DLG1: variants seen among roughly 807,000 people sequenced by gnomAD.
DLG1 encodes the protein discs large MAGUK scaffold protein 1.
DLG1 carries 42 observed loss-of-function variants against 123.4 expected under a neutral mutation model. The ratio of observed to expected loss-of-function variants is 0.34; its 90% confidence interval spans 0.27 to 0.44. The LOEUF (loss-of-function observed/expected upper bound fraction) is 0.44. Ranked by LOEUF, DLG1 falls within the 20% of genes least tolerant of loss-of-function variation. DLG1 has a pLI of 1.00. For synonymous variants in DLG1, 317 were observed against 356.2 expected, an observed-to-expected ratio of 0.89 and a Z score of 1.24; for missense variants, 942 against 1,082.6, an observed-to-expected ratio of 0.87 and a Z score of 1.82.
intron 6 of DLG1, among the ~76,000 whole-genome samples, chr3:197,149,298 T>G (rs1308193688): frequency 6.6e-6 from 1 of 152,138 alleles, no homozygotes; most frequent in African/African-American, 2.4e-5. Flanking sequence ...TATAATAAAA[T>G]TATGCAACAA....
At chr3:197,206,168 T>C (rs1271746820) in intron 4 of DLG1, among the ~76,000 whole-genome samples, 1 of 152,162 alleles carries the variant, frequency 6.6e-6, no homozygotes, top group East Asian at 1.9e-4. Context: ...ACTATTACAG[T>C]ATGCTCCTGA....
chr3:197,230,845 T>C (rs1314182120), intron 4 of DLG1, among the ~76,000 whole-genome samples: 7 of 152,198 alleles, frequency 4.6e-5, no homozygotes, highest in Non-Finnish European at 1.0e-4. Context: ...TATTTGAATT[T>C]AATTTTCACA....
chr3:197,059,858 C>T (rs1734563453), intron 23 of DLG1, 31 bp downstream of exon 23: 1 of 1,448,192 alleles, frequency 6.9e-7, no homozygotes, highest in African/African-American at 1.4e-5. Flanking sequence ...AATTTGTACA[C>T]AGAGGCTATG....
chr3:197,056,326 T>C (rs1414928667), intron 23 of DLG1, among the ~76,000 whole-genome samples: 1 of 152,206 alleles, frequency 6.6e-6, no homozygotes, highest in Non-Finnish European at 1.5e-5. Context: ...AACTTGGTTG[T>C]TACATTTTGC....
chr3:197,072,310 G>C (rs1018270366), intron 18 of DLG1, among the ~76,000 whole-genome samples: 3 of 151,858 alleles, frequency 2.0e-5, no homozygotes, highest in African/African-American at 7.3e-5. Flanking sequence ...GGATTTAGTG[G>C]GTCAAAAGAT....
chr3:197,081,226 C>G, intron 16 of DLG1, 109 bp from the exon 17 acceptor site: 2 of 934,698 alleles, frequency 2.1e-6, no homozygotes, highest in Non-Finnish European at 3.2e-6. Context: ...TACTCTAAAA[C>G]CTTTAAGAGT....
At chr3:197,280,234 T>C (rs1055168111) in intron 4 of DLG1, among the ~76,000 whole-genome samples, 1 of 152,202 alleles carries the variant, frequency 6.6e-6, no homozygotes, top group Non-Finnish European at 1.5e-5. Context: ...GTGATATTTA[T>C]CTTTCTGTGC....
chr3:197,273,944 A>C (rs1765171866), intron 4 of DLG1, among the ~76,000 whole-genome samples: 1 of 151,982 alleles, frequency 6.6e-6, no homozygotes, highest in African/African-American at 2.4e-5. Flanking sequence ...CTGCTAAGAC[A>C]AAGTGAAGAG....
At chr3:197,190,658 T>C (rs1383714640) in intron 5 of DLG1, among the ~76,000 whole-genome samples, 3 of 152,110 alleles carry the variant, frequency 2.0e-5, no homozygotes, top group African/African-American at 7.2e-5. Flanking sequence ...CCAATTCACA[T>C]CCCAAGATTG....
At chr3:197,256,719 A>G (rs903750032) in intron 4 of DLG1, among the ~76,000 whole-genome samples, 2 of 152,248 alleles carry the variant, frequency 1.3e-5, no homozygotes, top group African/African-American at 2.4e-5. Flanking sequence ...GTTATAAGTT[A>G]TCAATACGAG....
chr3:197,295,630 C>G (rs1777068623), intron 3 of DLG1, among the ~76,000 whole-genome samples: 1 of 152,044 alleles, frequency 6.6e-6, no homozygotes, highest in South Asian at 2.1e-4. Context: ...TGAGATGATG[C>G]TTTTAAAAAT....
Position 197,044,101 on chromosome 3 carries a change from T to A in DLG1, c.*522A>T, listed in dbSNP as rs1721489201. On this transcript the variant is annotated 3_prime_UTR_variant, in exon 25 of 25. Coordinates refer to ENST00000667157, the MANE Select transcript of DLG1 (RefSeq NM_001366207.1). ...GTCAACTCAGACATGAATTTTTAAA[T>A]TAAAAAATGTCCTTATTTATCTATA... 1 of 152,184 alleles carries A rather than the reference T, an allele frequency of 6.6e-6. No individual in the cohort carries two copies. The highest frequency in any genetic ancestry group is 2.4e-5 in the African/African-American group (1 of 41,460). 9.4% of individuals were successfully genotyped at this position (152,184 alleles called of 1,614,324 possible).
At chr3:197,130,272 TACATA>T (rs1781833756) in intron 11 of DLG1, among the ~76,000 whole-genome samples, 1 of 152,202 alleles carries the variant, frequency 6.6e-6, no homozygotes, top group Non-Finnish European at 1.5e-5. Context: ...GACTGTTACT[TACATA>T]AAAGTTTGAA....
At chr3:197,159,515 T>C (rs1797914300) in intron 5 of DLG1, among the ~76,000 whole-genome samples, 1 of 152,164 alleles carries the variant, frequency 6.6e-6, no homozygotes, top group African/African-American at 2.4e-5. Flanking sequence ...TTTTCTTCTG[T>C]TTTTATTTCT....
chr3:197,054,424 C>A (rs1157668217), intron 23 of DLG1, among the ~76,000 whole-genome samples: 1 of 129,208 alleles, frequency 7.7e-6, no homozygotes, highest in Non-Finnish European at 1.8e-5. Context: ...CACTTTTCTT[C>A]AGTCATTTCT....
chr3:197,150,050 A>G (rs777984076), intron 5 of DLG1, among the ~76,000 whole-genome samples: 1 of 152,180 alleles, frequency 6.6e-6, no homozygotes, highest in Non-Finnish European at 1.5e-5. Context: ...TAAGTTTTAC[A>G]CAGATCACCA....
At chr3:197,194,023 T>C (rs538566407) in intron 5 of DLG1, among the ~76,000 whole-genome samples, 1 of 152,226 alleles carries the variant, frequency 6.6e-6, no homozygotes, top group South Asian at 2.1e-4. Context: ...GATTTCACCA[T>C]GTTGGCCAGG....
chr3:197,122,540 T>C (rs1310640472), intron 11 of DLG1, among the ~76,000 whole-genome samples: 1 of 152,130 alleles, frequency 6.6e-6, no homozygotes, highest in Admixed American at 6.5e-5. Flanking sequence ...CATGGTTATA[T>C]ACGTAGACGA....
At chr3:197,141,630 A>C (rs1463115429) in intron 7 of DLG1, among the ~76,000 whole-genome samples, 1 of 152,224 alleles carries the variant, frequency 6.6e-6, no homozygotes, top group Non-Finnish European at 1.5e-5. Flanking sequence ...TTACTTAAGA[A>C]ATCTGCTTGT....
Sources: gnomAD v4.1 joint callset for allele counts (sites outside exome capture counted in the v4.1 genomes callset) on GRCh38, gnomAD v4.1.1 for gene constraint, MANE v1.5 for transcripts, NCBI Gene and HGNC (gene_info 2026-07-23, HGNC 2026-07-21) for gene names.